COL27A1: variants seen among roughly 807,000 people sequenced by gnomAD.
COL27A1 encodes the protein collagen type XXVII alpha 1 chain, also known as collagen alpha-1(XXVII) chain.
A neutral mutation model predicts 251.3 loss-of-function variants in COL27A1; 106 were observed. The ratio of observed to expected loss-of-function variants is 0.42; its 90% CI spans 0.36 to 0.50. COL27A1 has a LOEUF of 0.50. Among genes scored for constraint, COL27A1 ranks in the 20% least tolerant of loss-of-function variants. COL27A1 has a pLI of 0.00. For missense variants in COL27A1, 2,325 were observed against 2,522.8 expected, an observed-to-expected ratio of 0.92 and a Z score of 1.68; for synonymous variants, 1,000 against 986.3, an observed-to-expected ratio of 1.01 and a Z score of -0.26.
rs1010776376 is a variant in COL27A1, at chr9:114,168,371, G to C, written c.816G>C (p.Leu272Phe). ...TCGCCCTGCTAGGCCTGGAGAACTT[G>C]ACCACTGCCACACCAGCCCTGGGGT... ...SDLALLGLEN[L>F]TTATPALGSL... Residue 272 changes from leucine (L) to phenylalanine (F), a missense_variant, in exon 3 of 61, where the codon TTG becomes TTC. Transcript: ENST00000356083. 1.9e-6 allele frequency: 3 copies of C among 1,613,222 alleles called. No homozygotes were observed. The African/African-American group carries it at 4.0e-5, about 22-fold the overall frequency.
chr9:114,265,464 C>T lies in COL27A1; in HGVS notation c.3382C>T (p.Pro1128Ser), dbSNP rs138811085. 1 of 1,613,872 alleles carries T rather than the reference C, an allele frequency of 6.2e-7. No individual in the cohort carries two copies. The highest frequency in any genetic ancestry group is 1.7e-5 in the Admixed American group (1 of 60,006). Residue 1128 changes from proline (P) to serine (S), a missense_variant, in exon 32 of 61, where the codon CCA becomes TCA. Pro to Ser is a moderately conservative substitution (Grantham distance 74). This residue lies in a region of COL27A1 where 662 missense variants were observed against 795.3 expected (regional missense o/e 0.83). Coordinates refer to ENST00000356083, the MANE Select transcript of COL27A1 (RefSeq NM_032888.4). Reference sequence around the variant, plus strand: ...AGGCCCCCCAGGCACCAAGGGCCTCCCAGGAGAACCGGTAAGAGCCCTTTC... The same window carrying T: ...AGGCCCCCCAGGCACCAAGGGCCTCTCAGGAGAACCGGTAAGAGCCCTTTC... ...PSGPPGTKGL[P>S]GEPGPQGPQG...
In COL27A1 at chr9:114,275,355, T is replaced by A. The variant is rs113203470; in HGVS notation, c.3610-306T>A. ...TTGCCCTTGTCTCCTGTGAACTCCATGGGGTGGGTGCAGTCAGGACCCCGG... is the reference window on the plus strand; with the variant it reads ...TTGCCCTTGTCTCCTGTGAACTCCAAGGGGTGGGTGCAGTCAGGACCCCGG... On this transcript the variant is annotated intron_variant, in intron 36 of 60. Coordinates refer to ENST00000356083, the MANE Select transcript of COL27A1 (RefSeq NM_032888.4). Among the ~76,000 whole-genome samples the A allele has an allele frequency of 2.6e-3, 389 of 152,234 alleles. 2 individuals are homozygous for A. Among genetic ancestry groups the A allele is most frequent in the African/African-American group, 9.2e-3 (382 of 41,548 alleles).
intron 57 of COL27A1, 64 bp downstream of exon 57, chr9:114,304,737 C>T: frequency 7.0e-7 from 1 of 1,429,748 alleles, no homozygotes; most frequent in Non-Finnish European, 9.9e-7. Context: ...AGATAATGGC[C>T]CACATGTGGT....
At chr9:114,248,695 G>A (rs900176936) in intron 24 of COL27A1, among the ~76,000 whole-genome samples, 13 of 152,176 alleles carry the variant, frequency 8.5e-5, no homozygotes, top group Non-Finnish European at 1.3e-4. Flanking sequence ...CAGGGGTGCG[G>A]GTCGGGGGAT....
intron 12 of COL27A1, among the ~76,000 whole-genome samples, chr9:114,219,579 T>G (rs1830939231): frequency 6.6e-6 from 1 of 152,128 alleles, no homozygotes; most frequent in African/African-American, 2.4e-5. Flanking sequence ...TTCAGAGACT[T>G]AGTAGAAAAT....
intron 42 of COL27A1, 72 bp downstream of exon 42, chr9:114,288,583 G>A (rs1205416433): frequency 3.2e-6 from 5 of 1,549,748 alleles, no homozygotes; most frequent in Non-Finnish European, 4.4e-6. Flanking sequence ...CATGGAGAGG[G>A]GTGGGCCGAT....
At chr9:114,209,789 C>T (rs1384724608) in intron 11 of COL27A1, 61 bp downstream of exon 11, 4 of 1,521,122 alleles carry the variant, frequency 2.6e-6, no homozygotes, top group Non-Finnish European at 3.6e-6. Flanking sequence ...CAGAGCAGAA[C>T]CTGCCAGGCA....
intron 25 of COL27A1, among the ~76,000 whole-genome samples, chr9:114,251,100 G>C (rs1483539617): frequency 6.6e-6 from 1 of 152,192 alleles, no homozygotes; most frequent in Non-Finnish European, 1.5e-5. Flanking sequence ...ATAAGTGGCA[G>C]TGCTGAGATT....
Position 114,302,095 on chromosome 9 carries a change from G to T in COL27A1, c.4859G>T (p.Gly1620Val), listed in dbSNP as rs951479014. 1.2e-6 allele frequency: 2 copies of T among 1,612,880 alleles called. No homozygotes were observed. Among genetic ancestry groups the T allele is most frequent in the East Asian group, 2.2e-5 (1 of 44,878 alleles). The change falls in exon 56 of 61, where the codon GGT (glycine) becomes GTT (valine). Residue 1620 changes from glycine to valine, a missense_variant. Physicochemically the swap from Gly to Val is moderately radical, Grantham distance 109. Transcript: ENST00000356083. The stretch of plus-strand genomic sequence containing the variant: ...CTTCTTTTGCAGGGTCCTCCAGGGG[G>T]TCCTATCCAATTGGTAAGTTGGAAA... ...GRPGPPGPPG[G>V]PIQLQQDDLG...
chr9:114,166,720 G>T (rs567975089), intron 2 of COL27A1, among the ~76,000 whole-genome samples: 8 of 152,200 alleles, frequency 5.3e-5, no homozygotes, highest in Admixed American at 3.3e-4. Context: ...GACTGAAGGG[G>T]TCTAATGACC....
intron 2 of COL27A1, among the ~76,000 whole-genome samples, chr9:114,166,549 G>C (rs1189831596): frequency 6.6e-6 from 1 of 152,190 alleles, no homozygotes; most frequent in African/African-American, 2.4e-5. Flanking sequence ...ACCTTTGCAG[G>C]GGGTGATAGG....
chr9:114,159,347 C>T (rs78615898), intron 1 of COL27A1, among the ~76,000 whole-genome samples: 1,816 of 152,258 alleles, frequency 0.012, 35 homozygotes, highest in African/African-American at 0.042. Flanking sequence ...GGACATGTGT[C>T]GTTTTTGTAC....
intron 2 of COL27A1, among the ~76,000 whole-genome samples, chr9:114,166,073 C>A (rs528860700): frequency 6.6e-6 from 1 of 151,874 alleles, no homozygotes; most frequent in Non-Finnish European, 1.5e-5. Context: ...ACCATCCATC[C>A]AGCCAGTCAT....
At position 114,243,855 on chromosome 9, in the gene COL27A1, T is replaced by A. The variant is rs973476019; in HGVS notation, c.2934+295T>A. On this transcript the variant is annotated intron_variant, in intron 23 of 60. Transcript: ENST00000356083. ...GGTGGGGGTGGTGGAGGAAACAGGTTATAAAAGGGAATGCTCAAGTGTGAG... is the reference window on the plus strand; with the variant it reads ...GGTGGGGGTGGTGGAGGAAACAGGTAATAAAAGGGAATGCTCAAGTGTGAG... Among the ~76,000 whole-genome samples, 14 of 151,750 alleles carry A rather than the reference T, an allele frequency of 9.2e-5. 1 individual carries two copies. The highest frequency in any genetic ancestry group is 2.7e-4 in the African/African-American group (11 of 41,328).
At chr9:114,276,327 C>T (rs62555434) in intron 37 of COL27A1, among the ~76,000 whole-genome samples, 10,445 of 152,276 alleles carry the variant, frequency 0.069, 505 homozygotes, top group Non-Finnish European at 0.1. Flanking sequence ...GTGCCTTGGC[C>T]AGGTGCGGTG....
At chr9:114,178,922 C>T (rs1275362690) in intron 4 of COL27A1, among the ~76,000 whole-genome samples, 1 of 152,138 alleles carries the variant, frequency 6.6e-6, no homozygotes, top group African/African-American at 2.4e-5. Context: ...CTCATGCCCA[C>T]CCCAAGTTCC....
chr9:114,158,959 C>T (rs73557944), intron 1 of COL27A1, among the ~76,000 whole-genome samples: 1,546 of 152,332 alleles, frequency 0.01, 25 homozygotes, highest in African/African-American at 0.034. Context: ...GCCTCAGTTA[C>T]GCATCTTTTC....
At chr9:114,184,848 G>A (rs771455138) in intron 5 of COL27A1, among the ~76,000 whole-genome samples, 1 of 152,194 alleles carries the variant, frequency 6.6e-6, no homozygotes, top group African/African-American at 2.4e-5. Flanking sequence ...GAACTCATTT[G>A]GAGAGTTCTG....
chr9:114,301,364 G>A lies in COL27A1; in HGVS notation c.4791+45G>A, dbSNP rs201404226. 855 of 1,612,220 alleles carry A rather than the reference G, an allele frequency of 5.3e-4. 5 individuals carry two copies. The highest frequency in any genetic ancestry group is 1.1e-3 in the South Asian group (101 of 90,958). On this transcript the variant is annotated intron_variant, in intron 53 of 60. Transcript: ENST00000356083. Reference sequence around the variant, plus strand: ...CTGAGGGATGCAGCACTGCAGGGGCGGGGGAGGGGTGGGCTCCCAGAGTTG... The same window carrying A: ...CTGAGGGATGCAGCACTGCAGGGGCAGGGGAGGGGTGGGCTCCCAGAGTTG...
Sources: allele counts gnomAD v4.1 joint callset (sites outside exome capture counted in the v4.1 genomes callset), GRCh38; gene constraint gnomAD v4.1.1; regional missense constraint gnomAD v4.1.1; transcripts MANE v1.5; gene names NCBI Gene and HGNC (gene_info 2026-07-23, HGNC 2026-07-21).